SLC12A8: variants seen among roughly 807,000 people sequenced by gnomAD.
The protein encoded by SLC12A8 is solute carrier family 12 member 8, also known as cation-chloride cotransporter 9.
Under a neutral mutation model 75.6 loss-of-function variants are expected in SLC12A8, and 69 were observed. That is an observed-to-expected ratio of 0.91 (90% CI 0.75 to 1.11). SLC12A8 has a LOEUF of 1.11. SLC12A8 is among the 50% of genes most tolerant of loss of function. The pLI is 0.00. For missense variants in SLC12A8, 877 were observed against 896.7 expected (o/e 0.98, Z 0.28); for synonymous variants, 365 against 372.8 (o/e 0.98, Z 0.24).
At chr3:125,100,723 G>C (rs1409379917) in intron 10 of SLC12A8, among the ~76,000 whole-genome samples, 1 of 148,482 alleles carries the variant, frequency 6.7e-6, no homozygotes, top group Non-Finnish European at 1.5e-5. Flanking sequence ...CTATCTTAAA[G>C]ATGATTTAGG....
At chr3:125,187,986 G>A (rs1426387966) in intron 3 of SLC12A8, among the ~76,000 whole-genome samples, 5 of 152,158 alleles carry the variant, frequency 3.3e-5, no homozygotes, top group Non-Finnish European at 7.3e-5. Flanking sequence ...CCTCTAGGCT[G>A]TGAGCTCCAG....
chr3:125,179,061 A>G (rs1934596995), intron 4 of SLC12A8, among the ~76,000 whole-genome samples: 1 of 152,108 alleles, frequency 6.6e-6, no homozygotes, highest in African/African-American at 2.4e-5. Flanking sequence ...TTCTCTCCTC[A>G]GGTTTGTCCT....
rs1160061658 is a variant in SLC12A8 at position 125,187,290 on chromosome 3, C to T, written c.337G>A (p.Val113Ile). The T allele has an allele frequency of 1.2e-6, 2 of 1,614,164 alleles. No homozygotes were observed. The highest frequency in any genetic ancestry group is 8.5e-7 in the Non-Finnish European group (1 of 1,180,036). The stretch of plus-strand genomic sequence containing the variant: ...GTGCCTCCCGTCTGCCCACCCAGGA[C>T]CGAGGAGATCATGGAGTAGACGCCA... ...SGGVYSMISS[V>I]LGGQTGGTIG... The change falls in exon 4 of 14, where the codon GTC becomes ATC. Residue 113 changes from valine (V) to isoleucine (I), a missense_variant. Val to Ile is a conservative substitution (Grantham distance 29). Coordinates refer to ENST00000469902, the MANE Select transcript of SLC12A8 (RefSeq NM_024628.6).
chr3:125,190,568 C>T lies in SLC12A8; in HGVS notation c.52-47G>A, dbSNP rs773758354. On this transcript the variant is annotated intron_variant, in intron 2 of 13. Coordinates refer to ENST00000469902, the MANE Select transcript of SLC12A8 (RefSeq NM_024628.6). ...ATCAGCTGAGGGGCCATTGGGAGGGCCAGGGATGGCATGAGAGTGGAACAG... is the reference window on the plus strand; with the variant it reads ...ATCAGCTGAGGGGCCATTGGGAGGGTCAGGGATGGCATGAGAGTGGAACAG... 33 of 1,603,182 alleles carry T rather than the reference C, an allele frequency of 2.1e-5. No individual in the cohort carries two copies. In the South Asian group the frequency reaches 3.6e-4, roughly 17 times the overall value.
intron 2 of SLC12A8, among the ~76,000 whole-genome samples, chr3:125,198,950 T>TG (rs1935062402): frequency 6.6e-6 from 1 of 151,888 alleles, no homozygotes; most frequent in African/African-American, 2.4e-5. Context: ...GCTAATTTTT[T>TG]TGAATTTTTA....
chr3:125,093,580 C>T (rs1938638665), intron 10 of SLC12A8, among the ~76,000 whole-genome samples: 1 of 152,202 alleles, frequency 6.6e-6, no homozygotes, highest in South Asian at 2.1e-4. Context: ...TCAGCCCCCA[C>T]AGGAAAATCT....
rs555219062 is a variant in SLC12A8 at position 125,168,799 on chromosome 3, C to T, written c.622+8944G>A. 2.0e-5 allele frequency among the ~76,000 whole-genome samples: 3 copies of T among 152,324 alleles called. No homozygotes were observed. The South Asian group carries it at 6.2e-4, about 32-fold the overall frequency. On this transcript the variant is annotated intron_variant, in intron 5 of 13. Transcript: ENST00000469902. ...GGCAGGCATGCTTGCCCCATCCCTTCTACAGCTCCAAAGGAGTGACCTTGT... is the reference window on the plus strand; with the variant it reads ...GGCAGGCATGCTTGCCCCATCCCTTTTACAGCTCCAAAGGAGTGACCTTGT...
At chr3:125,132,258 T>C (rs1362957720) in intron 6 of SLC12A8, among the ~76,000 whole-genome samples, 1 of 152,216 alleles carries the variant, frequency 6.6e-6, no homozygotes, top group Non-Finnish European at 1.5e-5. Context: ...ACTCTTTTTG[T>C]TTTATAAAAA....
At chr3:125,137,926 C>T (rs1933532639) in intron 5 of SLC12A8, among the ~76,000 whole-genome samples, 1 of 149,870 alleles carries the variant, frequency 6.7e-6, no homozygotes, top group Non-Finnish European at 1.5e-5. Flanking sequence ...CGCTCACGCT[C>T]ACACGCTCAC....
At chr3:125,190,650 C>A in intron 2 of SLC12A8, 129 bp from the exon 3 acceptor site, 1 of 1,079,230 alleles carries the variant, frequency 9.3e-7, no homozygotes, top group Non-Finnish European at 1.4e-6. Context: ...TGTGCCAGGG[C>A]AAGTGTGTGT....
intron 10 of SLC12A8, among the ~76,000 whole-genome samples, chr3:125,099,240 C>T (rs1415958238): frequency 6.6e-6 from 1 of 152,196 alleles, no homozygotes; most frequent in Non-Finnish European, 1.5e-5. Context: ...GAATAAAAAG[C>T]TGACTAACGA....
intron 13 of SLC12A8, 125 bp downstream of exon 13, chr3:125,088,185 G>T: frequency 1.2e-6 from 1 of 847,032 alleles, no homozygotes; most frequent in Non-Finnish European, 1.9e-6. Flanking sequence ...TCCCGGAGGT[G>T]CCCAGTTGTT....
intron 3 of SLC12A8, among the ~76,000 whole-genome samples, chr3:125,187,816 C>T (rs1934825153): frequency 6.7e-6 from 1 of 149,336 alleles, no homozygotes; most frequent in Admixed American, 6.7e-5. Flanking sequence ...CATTCTGTAC[C>T]TTTGTCAGGT....
At chr3:125,188,263 C>T (rs1301640834) in intron 3 of SLC12A8, among the ~76,000 whole-genome samples, 1 of 152,322 alleles carries the variant, frequency 6.6e-6, no homozygotes, top group South Asian at 2.1e-4. Flanking sequence ...TCACCTTCCC[C>T]CATGAGTGAA....
At chr3:125,170,483 A>G (rs2981497) in intron 5 of SLC12A8, among the ~76,000 whole-genome samples, 7,000 of 152,342 alleles carry the variant, frequency 0.046, 242 homozygotes, top group Admixed American at 0.076. Context: ...AAATGTACTG[A>G]CATTGAAGGA....
At chr3:125,105,095 C>G (rs144170066) in intron 10 of SLC12A8, among the ~76,000 whole-genome samples, 2 of 151,498 alleles carry the variant, frequency 1.3e-5, no homozygotes, top group East Asian at 3.9e-4. Context: ...TCATTAGAAG[C>G]CTTGGGAGAG....
chr3:125,188,207 C>T (rs970163182), intron 3 of SLC12A8, among the ~76,000 whole-genome samples: 1 of 152,154 alleles, frequency 6.6e-6, no homozygotes, highest in African/African-American at 2.4e-5. Context: ...AAGAGCCTGG[C>T]ATCTCTCTTG....
At chr3:125,151,414 G>A (rs1017159452) in intron 5 of SLC12A8, 3 of 154,316 alleles carry the variant, frequency 1.9e-5, no homozygotes, top group South Asian at 2.0e-4. Flanking sequence ...AGAACAGCTC[G>A]GTCCAAAAGA....
chr3:125,168,482 CT>C (rs1241145100), intron 5 of SLC12A8, among the ~76,000 whole-genome samples: 1 of 152,146 alleles, frequency 6.6e-6, no homozygotes, highest in Non-Finnish European at 1.5e-5. Flanking sequence ...GGGAGAGCCA[CT>C]GGTGCAGCGA....
Sources: allele counts gnomAD v4.1 joint callset (sites outside exome capture counted in the v4.1 genomes callset), GRCh38; gene constraint gnomAD v4.1.1; transcripts MANE v1.5; gene names NCBI Gene and HGNC (gene_info 2026-07-23, HGNC 2026-07-21).